Variants in SUPT5H observed in about 807,000 individuals in gnomAD.
SUPT5H encodes SPT5 homolog, DSIF elongation factor subunit.
Under a neutral mutation model 142.5 loss-of-function variants are expected in SUPT5H, and 24 were observed. The observed-to-expected ratio is 0.17, with a 90% CI of 0.12 to 0.24. The LOEUF (loss-of-function observed/expected upper bound fraction) is 0.24, where lower values mean the gene tolerates loss of function less well. Ranked by LOEUF, SUPT5H falls within the 10% of genes least tolerant of loss-of-function variation. The probability of loss-of-function intolerance (pLI) is 1.00; values close to 1 mark genes in which losing one functional copy is unlikely to be tolerated. For missense variants in SUPT5H, 893 were observed against 1,471.8 expected (o/e 0.61, Z 6.43); for synonymous variants, 546 against 553.0 (o/e 0.99, Z 0.18).
At chr19:39,455,804 G>A (rs2079080760) in intron 3 of SUPT5H, among the ~76,000 whole-genome samples, 1 of 150,650 alleles carries the variant, frequency 6.6e-6, no homozygotes, top group Admixed American at 6.6e-5. Flanking sequence ...TGTATTTTTA[G>A]TAGAGACAGG....
chr19:39,453,267 T>C, intron 2 of SUPT5H, 89 bp from the exon 3 acceptor site: 1 of 1,458,534 alleles, frequency 6.9e-7, no homozygotes, highest in East Asian at 2.4e-5. Context: ...GCCAGGCCAA[T>C]CTGAGGTCAG....
Position 39,476,210 on chromosome 19 carries a change from C to T in SUPT5H, c.3120+34C>T, listed in dbSNP as rs199807731. On this transcript the variant is annotated intron_variant, in intron 29 of 29. Transcript: ENST00000432763. ...AGGGGGCAAGGAGATAAGATGGGGC[C>T]GTTGGGTGCTGACATGGACCCTGAC... 3.5e-3 allele frequency: 5,668 copies of T among 1,614,016 alleles called. 16 individuals carry two copies. Among genetic ancestry groups the T allele is most frequent in the Non-Finnish European group, 4.5e-3 (5,326 of 1,179,982 alleles).
intron 2 of SUPT5H, among the ~76,000 whole-genome samples, chr19:39,446,652 C>T (rs1402465843): frequency 6.6e-6 from 1 of 152,092 alleles, no homozygotes. Flanking sequence ...ATCACTTGAG[C>T]CCAGAAGTTT....
intron 3 of SUPT5H, among the ~76,000 whole-genome samples, chr19:39,454,427 C>T (rs1051130797): frequency 2.0e-5 from 3 of 150,566 alleles, no homozygotes; most frequent in East Asian, 3.9e-4. Context: ...TCACTGCAAC[C>T]TCTCCCTCCT....
In SUPT5H at chr19:39,459,545, C is replaced by T; in HGVS notation, c.525-14C>T. On this transcript the variant is annotated splice_polypyrimidine_tract_variant and intron_variant, in intron 8 of 29. Transcript: ENST00000432763. ...CAGCTTCACTGAAGGCCTTCCTTTT[C>T]CTCTGCTGCTTAGGGATCCCAATCT... The T allele has an allele frequency of 6.2e-7, 1 of 1,613,822 alleles. No individual in the cohort carries two copies. Among genetic ancestry groups the T allele is most frequent in the Non-Finnish European group, 8.5e-7 (1 of 1,179,900 alleles).
At position 39,474,191 on chromosome 19, in the gene SUPT5H, C is replaced by T. The variant is rs1245295843; in HGVS notation, c.2652-43C>T. ...TCCTACTGCCACCACCTCTTTTCCC[C>T]TCCCTCCTCCAACAAATGCCCCCTT... On this transcript the variant is annotated intron_variant, in intron 26 of 29. Transcript: ENST00000432763. This position sits in a 1 kb window ranked among gnomAD's most constrained non-coding sequence, Gnocchi z 6.5. 18 of 1,612,992 alleles carry T rather than the reference C, an allele frequency of 1.1e-5. No homozygotes were observed. The highest frequency in any genetic ancestry group is 3.3e-5 in the Admixed American group (2 of 59,888).
chr19:39,453,845 G>T (rs1398992623), intron 3 of SUPT5H, among the ~76,000 whole-genome samples: 1 of 152,178 alleles, frequency 6.6e-6, no homozygotes, highest in African/African-American at 2.4e-5. Flanking sequence ...GATTACAGGC[G>T]TGAAGGACCA....
rs749079127 is a variant in SUPT5H, at chr19:39,470,466, G to A, written c.1620G>A (p.Val540=). ...GCCAGCATGAATGGGGCGAGCTGGT[G>A]CAGCTGGATCCCCAGACTGTGGGTG... ...VGGQHEWGEL[V]QLDPQTVGVI... is the part of the protein sequence containing the mutation. Residue 540 remains valine (V), a synonymous_variant, in exon 18 of 30, where the codon GTG becomes GTA. Coordinates refer to ENST00000432763, the MANE Select transcript of SUPT5H (RefSeq NM_001111020.3). This position sits in a 1 kb window ranked among gnomAD's most constrained non-coding sequence, Gnocchi z 5.8. 2 of 1,605,116 alleles carry A rather than the reference G, an allele frequency of 1.2e-6. No homozygotes were observed. Among genetic ancestry groups the A allele is most frequent in the Non-Finnish European group, 1.7e-6 (2 of 1,174,848 alleles).
chr19:39,456,506 C>T (rs745886056), intron 3 of SUPT5H, among the ~76,000 whole-genome samples: 11 of 151,794 alleles, frequency 7.2e-5, no homozygotes, highest in Non-Finnish European at 1.5e-4. Flanking sequence ...GCAACCTCCA[C>T]CTCCCGGGTT....
chr19:39,471,248 G>A, intron 18 of SUPT5H, 109 bp from the exon 19 acceptor site: 1 of 1,347,992 alleles, frequency 7.4e-7, no homozygotes, highest in Non-Finnish European at 1.0e-6. Flanking sequence ...GCCTTGTGGA[G>A]CTTGGGACTG....
chr19:39,459,391 G>A, intron 8 of SUPT5H, 142 bp downstream of exon 8: 1 of 1,342,704 alleles, frequency 7.4e-7, no homozygotes, highest in Non-Finnish European at 1.0e-6. Flanking sequence ...GGGAGGGCAA[G>A]GTGGCACTTT....
At chr19:39,455,554 C>T (rs1312418556) in intron 3 of SUPT5H, among the ~76,000 whole-genome samples, 1 of 150,048 alleles carries the variant, frequency 6.7e-6, no homozygotes, top group Non-Finnish European at 1.5e-5. Flanking sequence ...AAGACTCGGT[C>T]TAAACAAAAA....
Position 39,471,457 on chromosome 19 carries a change from A to G in SUPT5H, c.1778A>G (p.Asn593Ser). The change falls in exon 19 of 30, where the codon AAC becomes AGC. Residue 593 changes from asparagine (N) to serine (S), a missense_variant. By Grantham distance (46) the Asn-to-Ser change is conservative. Coordinates refer to ENST00000432763, the MANE Select transcript of SUPT5H (RefSeq NM_001111020.3). ...GTGGCCTTGGACTCAGAGCAGAACA[A>G]CATCCATGTGAAAGACATCGTTAAG... ...FAVALDSEQN[N>S]IHVKDIVKVI... 28 of 1,614,258 alleles carry G rather than the reference A, an allele frequency of 1.7e-5. No individual in the cohort carries two copies. The highest frequency in any genetic ancestry group is 2.2e-5 in the Non-Finnish European group (26 of 1,180,050).
Position 39,471,429 on chromosome 19 carries a change from G to C in SUPT5H, c.1750G>C (p.Ala584Pro), listed in dbSNP as rs1568431726. 6.2e-7 allele frequency: 1 copy of C among 1,614,234 alleles called. No homozygotes were observed. The highest frequency in any genetic ancestry group is 1.6e-4 in the Middle Eastern group (1 of 6,062). ...AVTRKKDNRF[A>P]VALDSEQNNI... ...GACCCGGAAGAAGGACAACCGCTTTGCTGTGGCCTTGGACTCAGAGCAGAA... is the reference window on the plus strand; with the variant it reads ...GACCCGGAAGAAGGACAACCGCTTTCCTGTGGCCTTGGACTCAGAGCAGAA... The change falls in exon 19 of 30, where the codon GCT becomes CCT. Residue 584 changes from alanine to proline, a missense_variant. Ala to Pro is a conservative substitution (Grantham distance 27). This residue lies in a region of SUPT5H where 428 missense variants were observed against 763.5 expected (regional missense o/e 0.56). Transcript: ENST00000432763.
At position 39,458,978 on chromosome 19, in the gene SUPT5H, G is replaced by C; in HGVS notation, c.390-27G>C. On this transcript the variant is annotated intron_variant, in intron 6 of 29. Coordinates refer to ENST00000432763, the MANE Select transcript of SUPT5H (RefSeq NM_001111020.3). This position sits in a 1 kb window ranked among gnomAD's most constrained non-coding sequence, Gnocchi z 4.2. ...ACCTGCTGTCCTCAACCTTCAATTCGTGTTTGCTTCCCCACTCGTGCTCCA... is the reference window on the plus strand; with the variant it reads ...ACCTGCTGTCCTCAACCTTCAATTCCTGTTTGCTTCCCCACTCGTGCTCCA... The C allele has an allele frequency of 6.2e-7, 1 of 1,614,082 alleles. No individual in the cohort carries two copies. The highest frequency in any genetic ancestry group is 8.5e-7 in the Non-Finnish European group (1 of 1,180,026).
At position 39,472,628 on chromosome 19, in the gene SUPT5H, A is replaced by G; in HGVS notation, c.2035+135A>G. The G allele has an allele frequency of 7.3e-7, 1 of 1,367,664 alleles. No individual in the cohort carries two copies. 84.7% of individuals were successfully genotyped at this position (1,367,664 alleles called of 1,614,324 possible). A position where few individuals can be genotyped will look rare whatever the true frequency, so the allele number is the denominator to read the frequency against. The stretch of plus-strand genomic sequence containing the variant: ...AGGGGTTCACCACCCACAGGAGGGT[A>G]GACGCCACAGTGACAGCCCAGAATG... On this transcript the variant is annotated intron_variant, in intron 21 of 29. Coordinates refer to ENST00000432763, the MANE Select transcript of SUPT5H (RefSeq NM_001111020.3). This position sits in a 1 kb window ranked among gnomAD's most constrained non-coding sequence, Gnocchi z 4.2.
chr19:39,462,843 T>C (rs1403168975), intron 10 of SUPT5H, among the ~76,000 whole-genome samples: 3 of 126,724 alleles, frequency 2.4e-5, no homozygotes, highest in Non-Finnish European at 5.1e-5. Context: ...AATTTTCTTT[T>C]TTTTTTTTTT....
At position 39,459,969 on chromosome 19, in the gene SUPT5H, G is replaced by C; in HGVS notation, c.624+9G>C. The stretch of plus-strand genomic sequence containing the variant: ...ACCAGTTCACAGACACGGTAAGTCG[G>C]GTAGACAGGCGGCTTGGTGGGGAGA... On this transcript the variant is annotated intron_variant, in intron 10 of 29. Transcript: ENST00000432763. 2 of 1,614,036 alleles carry C rather than the reference G, an allele frequency of 1.2e-6. No homozygotes were observed. Among genetic ancestry groups the C allele is most frequent in the South Asian group, 2.2e-5 (2 of 91,082 alleles).
chr19:39,452,897 C>T (rs952267904), intron 2 of SUPT5H, among the ~76,000 whole-genome samples: 8 of 151,786 alleles, frequency 5.3e-5, no homozygotes, highest in African/African-American at 1.7e-4. Context: ...CCTGTAATCT[C>T]AGCTACTCAG....
Sources: gnomAD v4.1 joint callset for allele counts (sites outside exome capture counted in the v4.1 genomes callset) on GRCh38, gnomAD v4.1.1 for gene constraint, gnomAD v4.1.1 regional missense constraint, Gnocchi (gnomAD v3.1) non-coding constraint, MANE v1.5 for transcripts, NCBI Gene and HGNC (gene_info 2026-07-23, HGNC 2026-07-21) for gene names.